Variants in AGO3 observed in about 807,000 individuals in gnomAD.
AGO3 encodes protein argonaute-3.
AGO3 carries 16 observed loss-of-function variants against 105.5 expected under a neutral mutation model. The ratio of observed to expected loss-of-function variants is 0.15; its 90% CI spans 0.10 to 0.23. AGO3 has a LOEUF of 0.23. AGO3 is among the 10% of genes least tolerant of loss of function. The pLI, the probability that AGO3 is intolerant of heterozygous loss-of-function variation, is 1.00. For missense variants in AGO3, 534 were observed against 1,088.0 expected (o/e 0.49, Z 7.16); for synonymous variants, 340 against 367.3 (o/e 0.93, Z 0.85).
chr1:36,002,036 G>T (rs962540830), intron 5 of AGO3, among the ~76,000 whole-genome samples: 3 of 151,908 alleles, frequency 2.0e-5, no homozygotes, highest in Non-Finnish European at 4.4e-5. Context: ...ATTTTTTTTT[G>T]AGACGAAATG....
At chr1:35,966,492 G>T (rs1276746842) in intron 2 of AGO3, among the ~76,000 whole-genome samples, 2 of 152,124 alleles carry the variant, frequency 1.3e-5, no homozygotes, top group Non-Finnish European at 2.9e-5. Context: ...AAGGAACACA[G>T]GTATGTTTGC....
intron 2 of AGO3, among the ~76,000 whole-genome samples, chr1:35,961,624 AC>A (rs1046713340): frequency 6.6e-6 from 1 of 151,954 alleles, no homozygotes; most frequent in African/African-American, 2.4e-5. Context: ...ATTTATTTTT[AC>A]TCATATTACA....
At chr1:35,935,839 T>C (rs1351229930) in intron 1 of AGO3, among the ~76,000 whole-genome samples, 1 of 152,250 alleles carries the variant, frequency 6.6e-6, no homozygotes, top group African/African-American at 2.4e-5. Context: ...TAACAAAACA[T>C]ATTATCTTAT....
At chr1:35,967,134 C>T in intron 3 of AGO3, 59 bp downstream of exon 3, 2 of 1,534,866 alleles carry the variant, frequency 1.3e-6, no homozygotes, top group Admixed American at 2.1e-5. Context: ...CTTTTACACG[C>T]ATTTATTACC....
intron 12 of AGO3, among the ~76,000 whole-genome samples, chr1:36,033,357 T>C (rs1641867547): frequency 6.7e-6 from 1 of 149,256 alleles, no homozygotes; most frequent in Admixed American, 6.7e-5. Context: ...AAAGAAGTTA[T>C]GGCTGGGTGC....
At chr1:36,043,730 G>A (rs1642345749) in intron 17 of AGO3, among the ~76,000 whole-genome samples, 182 bp downstream of exon 17, 1 of 152,006 alleles carries the variant, frequency 6.6e-6, no homozygotes, top group Non-Finnish European at 1.5e-5. Flanking sequence ...AGGGGCTTAG[G>A]AACTTATTTT....
intron 5 of AGO3, among the ~76,000 whole-genome samples, chr1:36,002,708 G>A (rs1640145965): frequency 6.6e-6 from 1 of 151,846 alleles, no homozygotes; most frequent in African/African-American, 2.4e-5. Context: ...TACTGTTAAA[G>A]CTTTGAAAAT....
At chr1:35,933,787 G>A (rs1211189216) in intron 1 of AGO3, among the ~76,000 whole-genome samples, 2 of 145,870 alleles carry the variant, frequency 1.4e-5, no homozygotes, top group Non-Finnish European at 1.5e-5. Flanking sequence ...TTTCTTTTTT[G>A]TGGAGATTCT....
At chr1:36,047,242 T>TA (rs1394416955) in intron 17 of AGO3, among the ~76,000 whole-genome samples, 6 of 150,634 alleles carry the variant, frequency 4.0e-5, no homozygotes, top group Non-Finnish European at 5.9e-5. Context: ...AAACTCTGCC[T>TA]AAAAAAAAGA....
At chr1:35,944,684 A>G (rs954868616) in intron 1 of AGO3, among the ~76,000 whole-genome samples, 1 of 150,976 alleles carries the variant, frequency 6.6e-6, no homozygotes, top group Non-Finnish European at 1.5e-5. Flanking sequence ...TATTTTTTTA[A>G]ATAGAGACAG....
rs1642908728 is a variant in AGO3 at position 36,056,091 on chromosome 1, A to G, written c.*346A>G. On this transcript the variant is annotated 3_prime_UTR_variant, in exon 19 of 19. Transcript: ENST00000373191. The stretch of plus-strand genomic sequence containing the variant: ...TCTTTGCAAAAAAAAGTAAAGAAAA[A>G]GTAAATGATGGTTTAAAAAATACAC... The G allele has an allele frequency of 5.9e-6, 1 of 170,208 alleles. No homozygotes were observed. The highest frequency in any genetic ancestry group is 2.4e-5 in the African/African-American group (1 of 42,174). 10.5% of individuals were successfully genotyped at this position (170,208 alleles called of 1,614,324 possible).
chr1:35,946,806 GT>G (rs1646374070), intron 2 of AGO3, among the ~76,000 whole-genome samples: 1 of 152,202 alleles, frequency 6.6e-6, no homozygotes, highest in Non-Finnish European at 1.5e-5. Flanking sequence ...TAAGAATGTT[GT>G]AATTAACATG....
intron 11 of AGO3, among the ~76,000 whole-genome samples, chr1:36,020,196 A>G (rs1641143946): frequency 6.6e-6 from 1 of 152,194 alleles, no homozygotes. Flanking sequence ...TCCATGCTTA[A>G]CACTGGAATT....
intron 11 of AGO3, among the ~76,000 whole-genome samples, chr1:36,025,371 A>G (rs905191419): frequency 3.3e-5 from 5 of 151,476 alleles, no homozygotes; most frequent in Admixed American, 3.3e-4. Flanking sequence ...ATGGCTTATT[A>G]CAATGCTATG....
chr1:36,020,125 A>G (rs956279766), intron 11 of AGO3, among the ~76,000 whole-genome samples: 6 of 152,134 alleles, frequency 3.9e-5, no homozygotes, highest in Non-Finnish European at 7.4e-5. Flanking sequence ...GCTTCTAGTA[A>G]TGGAATTTTT....
intron 11 of AGO3, among the ~76,000 whole-genome samples, chr1:36,021,388 T>A (rs563832579): frequency 6.6e-6 from 1 of 152,196 alleles, no homozygotes; most frequent in Non-Finnish European, 1.5e-5. Flanking sequence ...CCTACAATAG[T>A]TTAACGTAAT....
chr1:35,957,491 T>C (rs2148761189), intron 2 of AGO3, among the ~76,000 whole-genome samples: 1 of 151,608 alleles, frequency 6.6e-6, no homozygotes, highest in African/African-American at 2.4e-5. Context: ...TTTGCGAGGC[T>C]GACGCAGGCA....
At chr1:35,966,609 A>G (rs1646778974) in intron 2 of AGO3, among the ~76,000 whole-genome samples, 1 of 152,224 alleles carries the variant, frequency 6.6e-6, no homozygotes, top group South Asian at 2.1e-4. Context: ...GTACAGAGGA[A>G]AGATTACTCT....
intron 11 of AGO3, among the ~76,000 whole-genome samples, chr1:36,020,333 A>G: frequency 6.6e-6 from 1 of 152,206 alleles, no homozygotes; most frequent in East Asian, 1.9e-4. Context: ...TAATAGTTTC[A>G]GTACTGACTG....
Sources: allele counts gnomAD v4.1 joint callset (sites outside exome capture counted in the v4.1 genomes callset), GRCh38; gene constraint gnomAD v4.1.1; transcripts MANE v1.5; gene names NCBI Gene and HGNC (gene_info 2026-07-23, HGNC 2026-07-21).